SIDT1: variants seen among roughly 807,000 people sequenced by gnomAD.
SIDT1 encodes the protein SID1 transmembrane family member 1.
Under a neutral mutation model 107.5 loss-of-function variants are expected in SIDT1, and 101 were observed. That is an observed-to-expected ratio of 0.94 (90% CI 0.80 to 1.11). The LOEUF is 1.11. Ranked by LOEUF, SIDT1 falls within the 50% of genes least tolerant of loss-of-function variation. The pLI, the probability that SIDT1 is intolerant of heterozygous loss-of-function variation, is 0.00. For synonymous variants in SIDT1, 395 were observed against 398.2 expected (o/e 0.99, Z 0.10); for missense variants, 1,076 against 1,058.2 (o/e 1.02, Z -0.23).
At chr3:113,554,126 A>G (rs1196734495) in intron 1 of SIDT1, among the ~76,000 whole-genome samples, 1 of 152,220 alleles carries the variant, frequency 6.6e-6, no homozygotes, top group African/African-American at 2.4e-5. Context: ...TTGGAGTGAG[A>G]GGCAAAAGTA....
the SIDT1 span, among the ~76,000 whole-genome samples, chr3:113,635,605 G>T: frequency 2.0e-5 from 3 of 152,058 alleles, no homozygotes; most frequent in African/African-American, 4.8e-5. Context: ...AGTGGCTCAC[G>T]CCTGTAATCC....
Position 113,532,985 on chromosome 3 carries a change from G to A in SIDT1, c.-37G>A. ...CTCTCTGCGCTCGCCCCCTCCCCAG[G>A]GTGGCTCCGCTTTCGAGCCCGGGCG... On this transcript the variant is annotated 5_prime_UTR_variant, in exon 1 of 25. Transcript: ENST00000264852. 7.6e-7 allele frequency: 1 copy of A among 1,310,022 alleles called. No homozygotes were observed. Among genetic ancestry groups the A allele is most frequent in the South Asian group, 2.1e-5 (1 of 47,822 alleles). The allele number at this position is 1,310,022 out of a possible 1,614,324, so 81.1% of individuals were successfully genotyped here.
At position 113,580,746 on chromosome 3, in the gene SIDT1, G is replaced by A. The variant is rs534162389; in HGVS notation, c.663+37G>A. The A allele has an allele frequency of 1.3e-5, 16 of 1,245,962 alleles. No individual in the cohort carries two copies. The South Asian group carries it at 1.7e-4, about 13-fold the overall frequency. 77.2% of individuals were successfully genotyped at this position (1,245,962 alleles called of 1,614,324 possible). On this transcript the variant is annotated intron_variant, in intron 5 of 24. Transcript: ENST00000264852. Reference sequence around the variant, plus strand: ...TAACTTGCCAACCTTCTACTATAGAGCATTATATTATTCCAGAACAAATGA... The same window carrying A: ...TAACTTGCCAACCTTCTACTATAGAACATTATATTATTCCAGAACAAATGA...
chr3:113,611,849 C>A (rs1945769203), intron 18 of SIDT1, among the ~76,000 whole-genome samples: 1 of 151,988 alleles, frequency 6.6e-6, no homozygotes, highest in African/African-American at 2.4e-5. Context: ...GTTGCCCCTT[C>A]ACCATTGCTA....
chr3:113,581,283 G>T, intron 5 of SIDT1, 78 bp from the exon 6 acceptor site: 1 of 1,164,834 alleles, frequency 8.6e-7, no homozygotes, highest in Admixed American at 1.7e-5. Context: ...GCAGAAAGAT[G>T]CTGACAGGAC....
chr3:113,555,803 G>A (rs921615362), intron 1 of SIDT1, among the ~76,000 whole-genome samples: 2 of 151,670 alleles, frequency 1.3e-5, no homozygotes, highest in African/African-American at 4.8e-5. Context: ...CTGGAAGCCA[G>A]GCTGTGAAAA....
At chr3:113,616,246 G>T (rs1946095734) in intron 20 of SIDT1, 70 bp downstream of exon 20, 5 of 1,247,768 alleles carry the variant, frequency 4.0e-6, no homozygotes, top group Non-Finnish European at 4.7e-6. Flanking sequence ...GAACAGGCTT[G>T]GGGCAGTCAC....
Position 113,533,212 on chromosome 3 carries a change from A to G in SIDT1, c.191A>G (p.Tyr64Cys). The change falls in exon 1 of 25, where the codon TAC (tyrosine) becomes TGC (cysteine). Residue 64 changes from tyrosine (Y) to cysteine (C), a missense_variant. Coordinates refer to ENST00000264852, the MANE Select transcript of SIDT1 (RefSeq NM_017699.3). ...GTGAACCTCAGCACCGAGAACATCTACTCTTTCAACTACACCAGCCAGCCC... is the reference window on the plus strand; with the variant it reads ...GTGAACCTCAGCACCGAGAACATCTGCTCTTTCAACTACACCAGCCAGCCC... Reference protein sequence around the residue: ...GVVNLSTENIYSFNYTSQPDQ... With the variant: ...GVVNLSTENICSFNYTSQPDQ... 2.0e-6 allele frequency: 3 copies of G among 1,512,088 alleles called. No individual in the cohort carries two copies. The highest frequency in any genetic ancestry group is 1.5e-5 in the African/African-American group (1 of 68,944). 93.7% of individuals were successfully genotyped at this position (1,512,088 alleles called of 1,614,324 possible).
At chr3:113,605,454 A>G (rs145687963) in intron 14 of SIDT1, among the ~76,000 whole-genome samples, 69 of 152,190 alleles carry the variant, frequency 4.5e-4, no homozygotes, top group African/African-American at 1.5e-3. Context: ...TGACCTTTCA[A>G]TCTAGTTCCC....
At chr3:113,576,878 T>C (rs777283582) in intron 3 of SIDT1, 44 bp from the exon 4 acceptor site, 4 of 1,596,630 alleles carry the variant, frequency 2.5e-6, no homozygotes, top group Non-Finnish European at 8.6e-7. Context: ...CTTATGCTTT[T>C]CTCTCACTTT....
intron 1 of SIDT1, among the ~76,000 whole-genome samples, chr3:113,557,011 G>A (rs1334233701): frequency 1.3e-5 from 2 of 150,328 alleles, no homozygotes; most frequent in Admixed American, 1.3e-4. Context: ...GTAGAGGCGG[G>A]TTTCACCATA....
intron 1 of SIDT1, among the ~76,000 whole-genome samples, chr3:113,536,386 C>T (rs530498921): frequency 6.6e-6 from 1 of 152,304 alleles, no homozygotes; most frequent in East Asian, 1.9e-4. Flanking sequence ...GTCTTTCTAG[C>T]CTGCAGGGTC....
Position 113,627,774 on chromosome 3 carries a change from AC to A in SIDT1, c.*68del. On this transcript the variant is annotated 3_prime_UTR_variant, in exon 25 of 25. Transcript: ENST00000264852. ...GTGCTGTTTCACAAAAATTACAGTGACCACAGCAAAGTAACCACTGCCAGAT... is the reference window on the plus strand; with the variant it reads ...GTGCTGTTTCACAAAAATTACAGTGACACAGCAAAGTAACCACTGCCAGAT... 6.7e-7 allele frequency: 1 copy of A among 1,482,140 alleles called. No individual in the cohort carries two copies. Among genetic ancestry groups the A allele is most frequent in the Non-Finnish European group, 9.4e-7 (1 of 1,062,480 alleles). 91.8% of individuals were successfully genotyped at this position (1,482,140 alleles called of 1,614,324 possible).
At chr3:113,600,208 G>A (rs1348193177) in intron 10 of SIDT1, among the ~76,000 whole-genome samples, 1 of 151,970 alleles carries the variant, frequency 6.6e-6, no homozygotes, top group East Asian at 1.9e-4. Context: ...TACTCAGGAG[G>A]CCGAGGCAGG....
intron 9 of SIDT1, 34 bp from the exon 10 acceptor site, chr3:113,592,971 T>G: frequency 6.4e-7 from 1 of 1,554,672 alleles, no homozygotes; most frequent in Non-Finnish European, 8.9e-7. Flanking sequence ...AGGTTTTCAC[T>G]GTCTTAGGAG....
chr3:113,592,290 G>A (rs1016775086), intron 9 of SIDT1, among the ~76,000 whole-genome samples: 1 of 152,036 alleles, frequency 6.6e-6, no homozygotes, highest in Non-Finnish European at 1.5e-5. Flanking sequence ...TATTTTTGAA[G>A]GCAAAAATCA....
At chr3:113,552,555 C>T (rs1940379190) in intron 1 of SIDT1, among the ~76,000 whole-genome samples, 1 of 152,166 alleles carries the variant, frequency 6.6e-6, no homozygotes, top group Non-Finnish European at 1.5e-5. Context: ...TGGGCTCAGA[C>T]AACATTTCGG....
At chr3:113,634,106 G>A (rs1257086121), downstream of SIDT1, among the ~76,000 whole-genome samples, 2 of 152,164 alleles carry the variant, frequency 1.3e-5, no homozygotes, top group Non-Finnish European at 2.9e-5. Flanking sequence ...AATCTCAGCA[G>A]AAAACAGAGA....
chr3:113,568,319 G>A (rs1014789598), intron 3 of SIDT1, among the ~76,000 whole-genome samples: 1 of 152,094 alleles, frequency 6.6e-6, no homozygotes, highest in Non-Finnish European at 1.5e-5. Context: ...ATTAAGGCCG[G>A]GTGTGGTGGC....
Sources: gnomAD v4.1 joint callset for allele counts (sites outside exome capture counted in the v4.1 genomes callset) on GRCh38, gnomAD v4.1.1 for gene constraint, MANE v1.5 for transcripts, NCBI Gene and HGNC (gene_info 2026-07-23, HGNC 2026-07-21) for gene names.